SLA2: variants seen among roughly 807,000 people sequenced by gnomAD.
The protein encoded by SLA2 is src-like-adapter 2.
A neutral mutation model predicts 27.3 loss-of-function variants in SLA2; 22 were observed. The observed-to-expected ratio is 0.81, with a 90% CI of 0.58 to 1.15. The LOEUF (loss-of-function observed/expected upper bound fraction) is 1.15. Among genes scored for constraint, SLA2 ranks in the 50% most tolerant of loss-of-function variants. The probability of loss-of-function intolerance (pLI) is 0.00; values close to 1 mark genes in which losing one functional copy is unlikely to be tolerated. For synonymous variants in SLA2, 131 were observed against 137.8 expected, an observed-to-expected ratio of 0.95 and a Z score of 0.34; for missense variants, 304 against 322.2, an observed-to-expected ratio of 0.94 and a Z score of 0.43.
rs1454358064 is a variant in SLA2 at position 36,645,956 on chromosome 20, A to G, written c.-163T>C. Reference sequence around the variant, plus strand: ...CAGTGTCCTTGGTCCTAGGACACCCAGAACTCTCTCAGCCTGGGAGGATCT... The same window carrying G: ...CAGTGTCCTTGGTCCTAGGACACCCGGAACTCTCTCAGCCTGGGAGGATCT... On this transcript the variant is annotated 5_prime_UTR_variant, in exon 1 of 8. Transcript: ENST00000262866. 2.0e-5 allele frequency: 3 copies of G among 152,330 alleles called. No individual in the cohort carries two copies. The highest frequency in any genetic ancestry group is 7.2e-5 in the African/African-American group (3 of 41,462). 9.4% of individuals were successfully genotyped at this position (152,330 alleles called of 1,614,324 possible). A position where few individuals can be genotyped will look rare whatever the true frequency, so the allele number is the denominator to read the frequency against.
chr20:36,643,301 CT>C (rs1421794520), intron 1 of SLA2, among the ~76,000 whole-genome samples: 1 of 152,162 alleles, frequency 6.6e-6, no homozygotes, highest in African/African-American at 2.4e-5. Flanking sequence ...CTTTGTCTTT[CT>C]TTTCAGATGG....
chr20:36,636,261 C>CA (rs537693547), intron 2 of SLA2, among the ~76,000 whole-genome samples: 11 of 144,322 alleles, frequency 7.6e-5, no homozygotes, highest in East Asian at 2.0e-4. Flanking sequence ...ACTAAAAATA[C>CA]AAAAAAAAAA....
At chr20:36,614,082 C>G (rs2039175767) in intron 7 of SLA2, 96 bp from the exon 8 acceptor site, 1 of 1,543,984 alleles carries the variant, frequency 6.5e-7, no homozygotes, top group Non-Finnish European at 8.8e-7. Flanking sequence ...CCCTTCACTC[C>G]TGCTGAGGAC....
chr20:36,616,208 C>T lies in SLA2; in HGVS notation c.383-834G>A, dbSNP rs535305993. On this transcript the variant is annotated intron_variant, in intron 5 of 7. Coordinates refer to ENST00000262866, the MANE Select transcript of SLA2 (RefSeq NM_032214.4). Reference sequence around the variant, plus strand: ...TAGGTAATTTCAGCTGGCAAGTGGGCGCGTGGATGTCAGTTTTATTAGTGC... The same window carrying T: ...TAGGTAATTTCAGCTGGCAAGTGGGTGCGTGGATGTCAGTTTTATTAGTGC... Among the ~76,000 whole-genome samples, 80 of 151,808 alleles carry T rather than the reference C, an allele frequency of 5.3e-4. 2 individuals carry two copies. In the South Asian group the frequency reaches 7.1e-3, roughly 13 times the overall value.
At chr20:36,618,220 G>C (rs6071682) in intron 5 of SLA2, among the ~76,000 whole-genome samples, 1 of 151,822 alleles carries the variant, frequency 6.6e-6, no homozygotes, top group African/African-American at 2.4e-5. Context: ...AAGTAAGCTA[G>C]AATGGCTTAT....
intron 4 of SLA2, among the ~76,000 whole-genome samples, chr20:36,633,099 TC>T (rs1264078544): frequency 6.6e-6 from 1 of 152,098 alleles, no homozygotes; most frequent in Non-Finnish European, 1.5e-5. Context: ...TGAGACAGGC[TC>T]CTGCTCTGTG....
chr20:36,622,754 C>T (rs1321014374), intron 5 of SLA2, among the ~76,000 whole-genome samples: 1 of 152,224 alleles, frequency 6.6e-6, no homozygotes, highest in Non-Finnish European at 1.5e-5. Flanking sequence ...CTCTCACCCT[C>T]CTACCTCCCT....
At chr20:36,628,800 C>G (rs1278091255) in intron 5 of SLA2, among the ~76,000 whole-genome samples, 2 of 151,976 alleles carry the variant, frequency 1.3e-5, no homozygotes, top group East Asian at 3.9e-4. Flanking sequence ...AAGTGATCCT[C>G]CTGCCTTGGC....
At chr20:36,626,522 C>T (rs2039339925) in intron 5 of SLA2, among the ~76,000 whole-genome samples, 1 of 151,390 alleles carries the variant, frequency 6.6e-6, no homozygotes, top group Non-Finnish European at 1.5e-5. Context: ...CGAGATAGTG[C>T]CACCGCACTC....
intron 6 of SLA2, chr20:36,614,924 T>C (rs746126543): frequency 1.1e-5 from 11 of 985,406 alleles, no homozygotes; most frequent in Non-Finnish European, 1.3e-5. Context: ...AGCAGCTCTG[T>C]GCCCGGTTCC....
At chr20:36,633,698 G>T (rs1022590665) in intron 3 of SLA2, 69 bp from the exon 4 acceptor site, 2 of 1,341,064 alleles carry the variant, frequency 1.5e-6, no homozygotes, top group Non-Finnish European at 2.1e-6. Flanking sequence ...CACATTCAGG[G>T]CTTGCAAGGA....
intron 5 of SLA2, among the ~76,000 whole-genome samples, chr20:36,624,884 AG>A (rs769777573): frequency 2.9e-4 from 44 of 152,316 alleles, no homozygotes; most frequent in Non-Finnish European, 6.2e-4. Context: ...AGGGGTGATG[AG>A]GAGGTGACTT....
intron 6 of SLA2, 176 bp downstream of exon 6, chr20:36,615,049 T>C: frequency 1.0e-6 from 1 of 985,282 alleles, no homozygotes; most frequent in Non-Finnish European, 1.2e-6. Context: ...GGGCACGAGG[T>C]GAAGACAGGG....
intron 7 of SLA2, 84 bp downstream of exon 7, chr20:36,614,221 T>C: frequency 2.1e-5 from 33 of 1,600,556 alleles, no homozygotes; most frequent in Non-Finnish European, 2.8e-5. Flanking sequence ...GTGTGACAGG[T>C]ACATTCCGGG....
Position 36,613,953 on chromosome 20 carries a change from C to T in SLA2, c.699G>A (p.Glu233=). 3 of 1,614,094 alleles carry T rather than the reference C, an allele frequency of 1.9e-6. No individual in the cohort carries two copies. Among genetic ancestry groups the T allele is most frequent in the Non-Finnish European group, 2.5e-6 (3 of 1,179,970 alleles). Residue 233 remains glutamate, a synonymous_variant, in exon 8 of 8, where the codon GAG becomes GAA. Transcript: ENST00000262866. ...GGAGACCCTCACTGAGAAGAGACTC[C>T]TCCCCTGTGGCAGCTTCAGAAAACA... ...SLLFSEAATG[E]ESLLSEGLRE... is the part of the protein sequence containing the mutation.
intron 2 of SLA2, among the ~76,000 whole-genome samples, chr20:36,637,085 G>T (rs1446432233): frequency 2.0e-5 from 3 of 151,272 alleles, no homozygotes; most frequent in African/African-American, 4.9e-5. Context: ...GCTCTGAATT[G>T]TCTTGGCTCA....
chr20:36,632,466 G>A, intron 5 of SLA2, 129 bp downstream of exon 5: 1 of 699,234 alleles, frequency 1.4e-6, no homozygotes, highest in Non-Finnish European at 2.5e-6. Flanking sequence ...CTGGGGCTCA[G>A]GAAATCTTGG....
chr20:36,624,950 G>A (rs1199788806), intron 5 of SLA2, among the ~76,000 whole-genome samples: 1 of 151,868 alleles, frequency 6.6e-6, no homozygotes, highest in Admixed American at 6.6e-5. Context: ...CTGTTTGGGG[G>A]GCAGTCTCTC....
intron 6 of SLA2, 24 bp from the exon 7 acceptor site, chr20:36,614,461 G>A (rs1373398878): frequency 6.3e-7 from 1 of 1,580,456 alleles, no homozygotes; most frequent in Non-Finnish European, 8.6e-7. Flanking sequence ...CTCCATCCCT[G>A]ACATGACTGA....
Sources: allele counts gnomAD v4.1 joint callset (sites outside exome capture counted in the v4.1 genomes callset), GRCh38; gene constraint gnomAD v4.1.1; transcripts MANE v1.5; gene names NCBI Gene and HGNC (gene_info 2026-07-23, HGNC 2026-07-21).